CDK12: variants seen among roughly 807,000 people sequenced by gnomAD.
CDK12 encodes cyclin dependent kinase 12.
CDK12 carries 17 observed loss-of-function variants against 133.8 expected under a neutral mutation model. The observed-to-expected ratio is 0.13, with a 90% CI of 0.09 to 0.19. The LOEUF (loss-of-function observed/expected upper bound fraction) is 0.19, where lower values mean the gene tolerates loss of function less well. CDK12 is among the 10% of genes least tolerant of loss of function. The probability of loss-of-function intolerance (pLI) is 1.00; values close to 1 mark genes in which losing one functional copy is unlikely to be tolerated. For missense variants in CDK12, 1,508 were observed against 1,818.7 expected (o/e 0.83, Z 3.11); for synonymous variants, 694 against 683.6 (o/e 1.02, Z -0.24).
At chr17:39,480,113 G>A (rs2050524077) in intron 2 of CDK12, among the ~76,000 whole-genome samples, 2 of 151,642 alleles carry the variant, frequency 1.3e-5, no homozygotes, top group African/African-American at 2.4e-5. Context: ...TAGTAGAGAC[G>A]GGGTTTTACC....
chr17:39,471,418 T>C lies in CDK12; in HGVS notation c.1586T>C (p.Leu529Pro), dbSNP rs1309803458. The C allele has an allele frequency of 1.2e-6, 2 of 1,613,602 alleles. No individual in the cohort carries two copies. The highest frequency in any genetic ancestry group is 1.1e-5 in the South Asian group (1 of 91,070). The change falls in exon 2 of 14, where the codon CTT becomes CCT. Residue 529 changes from leucine to proline, a missense_variant. By Grantham distance (98) the Leu-to-Pro change is moderately conservative. This residue lies in a region of CDK12 where 347 missense variants were observed against 330.8 expected (regional missense o/e 1.05). Transcript: ENST00000447079. ...TCAGAAAAGGAGACCCCTCCACCTC[T>C]TCCCACAATTGCTTCTCCCCCACCC... ...ETSEKETPPP[L>P]PTIASPPPPL... is the part of the protein sequence containing the mutation.
Position 39,489,746 on chromosome 17 carries a change from C to T in CDK12, c.1932-811C>T, listed in dbSNP as rs538448195. On this transcript the variant is annotated intron_variant, in intron 2 of 13. Coordinates refer to ENST00000447079, the MANE Select transcript of CDK12 (RefSeq NM_016507.4). ...TGATCTCGTGATCTGCCCGCCTCAG[C>T]CTCCCAAAGTGCTGGGATTACAGGC... 1.9e-3 allele frequency among the ~76,000 whole-genome samples: 292 copies of T among 151,438 alleles called. 1 individual carries two copies. Among genetic ancestry groups the T allele is most frequent in the Middle Eastern group, 6.8e-3 (2 of 292 alleles).
intron 2 of CDK12, among the ~76,000 whole-genome samples, chr17:39,485,428 T>TTTTC (rs2051044086): frequency 1.4e-5 from 2 of 144,584 alleles, no homozygotes; most frequent in Non-Finnish European, 3.0e-5. Context: ...TTTTTTTTTT[T>TTTTC]TTGGGAAACA....
At chr17:39,491,708 T>G (rs1047796104) in intron 3 of CDK12, among the ~76,000 whole-genome samples, 3 of 151,136 alleles carry the variant, frequency 2.0e-5, no homozygotes, top group Admixed American at 1.3e-4. Flanking sequence ...TGTATTTTTT[T>G]TTTTTTTTTT....
At chr17:39,482,200 T>TG (rs1225540596) in intron 2 of CDK12, among the ~76,000 whole-genome samples, 2 of 151,194 alleles carry the variant, frequency 1.3e-5, no homozygotes, top group Non-Finnish European at 2.9e-5. Flanking sequence ...TTAATAGAGA[T>TG]GGGGTTTCAC....
At position 39,471,382 on chromosome 17, in the gene CDK12, A is replaced by G. The variant is rs1478682963; in HGVS notation, c.1550A>G (p.Glu517Gly). ...ALKEEIVTPK[E>G]TETSEKETPP... ...AAAGAGGAGATTGTTACTCCAAAGG[A>G]GACAGAAACATCAGAAAAGGAGACC... Residue 517 changes from glutamate to glycine, a missense_variant, in exon 2 of 14, where the codon GAG becomes GGG. Physicochemically the swap from Glu to Gly is moderately conservative, Grantham distance 98 (BLOSUM62 -2). Transcript: ENST00000447079. 1 of 1,613,980 alleles carries G rather than the reference A, an allele frequency of 6.2e-7. No individual in the cohort carries two copies. The highest frequency in any genetic ancestry group is 2.2e-5 in the East Asian group (1 of 44,894).
chr17:39,495,426 TAAG>T (rs1437651037), intron 5 of CDK12, among the ~76,000 whole-genome samples: 1 of 128,852 alleles, frequency 7.8e-6, no homozygotes, highest in Non-Finnish European at 1.6e-5. Context: ...TATAAAATAA[TAAG>T]TGAATGAATG....
Position 39,515,812 on chromosome 17 carries a change from C to T in CDK12, c.2846+4C>T, listed in dbSNP as rs2053765217. 2 of 1,604,990 alleles carry T rather than the reference C, an allele frequency of 1.2e-6. No individual in the cohort carries two copies. Among genetic ancestry groups the T allele is most frequent in the Admixed American group, 3.4e-5 (2 of 59,384 alleles). ...TGGCTCAGCTAGAACTGATCAGGTA[C>T]AGCTGTACATGTGCTCTTGAGTGCC... On this transcript the variant is annotated splice_donor_region_variant and intron_variant, in intron 9 of 13. Transcript: ENST00000447079.
intron 3 of CDK12, among the ~76,000 whole-genome samples, chr17:39,557,523 A>G (rs2056205422): frequency 6.6e-6 from 1 of 152,134 alleles, no homozygotes; most frequent in Non-Finnish European, 1.5e-5. Context: ...TGTGTGTTCT[A>G]CTCACCATCC....
chr17:39,532,102 T>G lies in CDK12; in HGVS notation c.*786T>G. ...GCTGATGTGTGCTCTCTCTCTCTCT[T>G]TCTCTCTCTCTCTCTCTCTCTCTCT... On this transcript the variant is annotated 3_prime_UTR_variant, in exon 14 of 14. Coordinates refer to ENST00000447079, the MANE Select transcript of CDK12 (RefSeq NM_016507.4). 4.6e-6 allele frequency: 1 copy of G among 216,786 alleles called. No homozygotes were observed. Among genetic ancestry groups the G allele is most frequent in the African/African-American group, 2.6e-5 (1 of 38,020 alleles). The allele number at this position is 216,786 out of a possible 1,614,324, so 13.4% of individuals were successfully genotyped here. A position where few individuals can be genotyped will look rare whatever the true frequency, so the allele number is the denominator to read the frequency against.
At chr17:39,513,077 C>G (rs2053592228) in intron 8 of CDK12, among the ~76,000 whole-genome samples, 1 of 152,158 alleles carries the variant, frequency 6.6e-6, no homozygotes, top group Non-Finnish European at 1.5e-5. Flanking sequence ...CTGTTCATTT[C>G]CTGCCCCAAA....
chr17:39,503,600 G>A (rs2052886158), intron 6 of CDK12, among the ~76,000 whole-genome samples: 1 of 152,208 alleles, frequency 6.6e-6, no homozygotes, highest in African/African-American at 2.4e-5. Flanking sequence ...CCTCTCTGGT[G>A]GGTAAGGCCT....
At chr17:39,486,736 C>T (rs912527437) in intron 2 of CDK12, among the ~76,000 whole-genome samples, 2 of 151,868 alleles carry the variant, frequency 1.3e-5, no homozygotes, top group Admixed American at 6.6e-5. Flanking sequence ...TGGTGGGGTG[C>T]GGTGGCTCAT....
intron 2 of CDK12, among the ~76,000 whole-genome samples, chr17:39,490,293 GGAGGCAGAGGTTGTAGT>G (rs1486497129): frequency 6.6e-6 from 1 of 151,902 alleles, no homozygotes; most frequent in Non-Finnish European, 1.5e-5. Context: ...CTTGAACCCA[GGAGGCAGAGGTTGTAGT>G]GAGCCAAGAT....
At chr17:39,481,665 T>C (rs1479405420) in intron 2 of CDK12, among the ~76,000 whole-genome samples, 11 of 13,850 alleles carry the variant, frequency 7.9e-4, no homozygotes, top group African/African-American at 1.7e-3. Context: ...TCTCTCTCTC[T>C]CTCTCTCTCT....
chr17:39,493,423 A>G (rs2051806280), intron 4 of CDK12, among the ~76,000 whole-genome samples: 1 of 151,832 alleles, frequency 6.6e-6, no homozygotes, highest in East Asian at 2.0e-4. Flanking sequence ...ATGCCTCTGC[A>G]TCAGCCTCCC....
intron 8 of CDK12, 77 bp downstream of exon 8, chr17:39,511,707 G>A (rs1049633900): frequency 7.9e-6 from 6 of 762,154 alleles, no homozygotes; most frequent in Non-Finnish European, 1.3e-5. Flanking sequence ...CTGTACACTG[G>A]CTTTTTAGAG....
downstream of CDK12, among the ~76,000 whole-genome samples, chr17:39,536,143 A>T (rs2055123959): frequency 6.6e-6 from 1 of 151,706 alleles, no homozygotes; most frequent in Admixed American, 6.6e-5. Context: ...TACTGGTGGT[A>T]CTCCTTACTG....
chr17:39,540,925 C>A (rs2055379937), intron 1 of CDK12, among the ~76,000 whole-genome samples: 1 of 152,206 alleles, frequency 6.6e-6, no homozygotes, highest in African/African-American at 2.4e-5. Flanking sequence ...CTTCTGATTG[C>A]AGCTGAGAGG....
Sources: allele counts gnomAD v4.1 joint callset (sites outside exome capture counted in the v4.1 genomes callset), GRCh38; gene constraint gnomAD v4.1.1; regional missense constraint gnomAD v4.1.1; transcripts MANE v1.5; gene names NCBI Gene and HGNC (gene_info 2026-07-23, HGNC 2026-07-21).